Variants in ADAMTS2 observed in about 807,000 individuals in gnomAD.
ADAMTS2 encodes the protein ADAM metallopeptidase with thrombospondin type 1 motif 2.
In ADAMTS2, 50 loss-of-function variants were observed where a neutral mutation model predicts 123.0. The observed-to-expected ratio is 0.41, with a 90% confidence interval of 0.32 to 0.51. The LOEUF (loss-of-function observed/expected upper bound fraction) is 0.51, where lower values mean the gene tolerates loss of function less well. ADAMTS2 is among the 20% of genes least tolerant of loss of function. ADAMTS2 has a pLI of 0.35. For missense variants in ADAMTS2, 1,494 were observed against 1,705.2 expected (o/e 0.88, Z 2.18); for synonymous variants, 678 against 695.4 (o/e 0.98, Z 0.39).
chr5:179,241,196 A>G, intron 3 of ADAMTS2, among the ~76,000 whole-genome samples: 1 of 152,230 alleles, frequency 6.6e-6, no homozygotes, highest in East Asian at 1.9e-4. Flanking sequence ...AGGCCATGCC[A>G]CTGCCTTGTT....
chr5:179,325,238 G>C (rs1009313615), intron 2 of ADAMTS2, among the ~76,000 whole-genome samples: 4 of 152,180 alleles, frequency 2.6e-5, no homozygotes, highest in Non-Finnish European at 5.9e-5. Flanking sequence ...TGATGGTCAG[G>C]AGGGGCCTTG....
chr5:179,173,751 G>A (rs923040098), intron 5 of ADAMTS2, among the ~76,000 whole-genome samples: 3 of 152,060 alleles, frequency 2.0e-5, no homozygotes, highest in East Asian at 1.9e-4. Flanking sequence ...GCGGTGGCTC[G>A]CGCCCCATAA....
intron 3 of ADAMTS2, among the ~76,000 whole-genome samples, chr5:179,208,746 T>C (rs1235021108): frequency 1.3e-5 from 2 of 151,894 alleles, no homozygotes; most frequent in Non-Finnish European, 2.9e-5. Context: ...CAAGCCCCAG[T>C]GTCCTGGAAG....
intron 2 of ADAMTS2, among the ~76,000 whole-genome samples, chr5:179,291,470 G>A (rs966859826): frequency 6.6e-6 from 1 of 152,186 alleles, no homozygotes; most frequent in Non-Finnish European, 1.5e-5. Flanking sequence ...CCCTTCCCGT[G>A]TCCTCTCTTG....
At chr5:179,226,063 G>C (rs542784074) in intron 3 of ADAMTS2, among the ~76,000 whole-genome samples, 1 of 152,142 alleles carries the variant, frequency 6.6e-6, no homozygotes, top group Non-Finnish European at 1.5e-5. Flanking sequence ...CCAGAGGTTT[G>C]AGCAGAGGGA....
intron 2 of ADAMTS2, among the ~76,000 whole-genome samples, chr5:179,273,954 C>G (rs1163695475): frequency 6.6e-6 from 1 of 152,082 alleles, no homozygotes. Flanking sequence ...CCGAGCCACC[C>G]AGCCCCTGAA....
chr5:179,320,540 A>G (rs1328636648), intron 2 of ADAMTS2, among the ~76,000 whole-genome samples: 5 of 149,768 alleles, frequency 3.3e-5, no homozygotes, highest in African/African-American at 1.2e-4. Flanking sequence ...GGATGGTCTC[A>G]ATCTCCTGAC....
chr5:179,221,747 C>G (rs937595856), intron 3 of ADAMTS2, among the ~76,000 whole-genome samples: 1 of 152,136 alleles, frequency 6.6e-6, no homozygotes, highest in Non-Finnish European at 1.5e-5. Flanking sequence ...GCAATGCTCA[C>G]CACGCCCCCC....
chr5:179,251,085 A>G (rs936092956), intron 3 of ADAMTS2, among the ~76,000 whole-genome samples: 1 of 152,220 alleles, frequency 6.6e-6, no homozygotes, highest in Non-Finnish European at 1.5e-5. Flanking sequence ...AGTGTAGCAG[A>G]AAGAGCCCAA....
At chr5:179,221,121 C>T (rs538058234) in intron 3 of ADAMTS2, among the ~76,000 whole-genome samples, 1 of 152,246 alleles carries the variant, frequency 6.6e-6, no homozygotes, top group South Asian at 2.1e-4. Context: ...CCACACTGTG[C>T]CACCAAGCTG....
chr5:179,287,461 G>A (rs915051592), intron 2 of ADAMTS2, among the ~76,000 whole-genome samples: 1 of 152,214 alleles, frequency 6.6e-6, no homozygotes, highest in African/African-American at 2.4e-5. Context: ...CAGAGCCCAC[G>A]ACTGGAGCCA....
At chr5:179,150,708 C>T (rs539444586) in intron 10 of ADAMTS2, among the ~76,000 whole-genome samples, 2 of 152,210 alleles carry the variant, frequency 1.3e-5, no homozygotes, top group South Asian at 4.1e-4. Flanking sequence ...TATGAAATTC[C>T]GGAATAGGCA....
chr5:179,185,197 T>C lies in ADAMTS2; in HGVS notation c.892-4042A>G, dbSNP rs372951974. On this transcript the variant is annotated intron_variant, in intron 4 of 21. Coordinates refer to ENST00000251582, the MANE Select transcript of ADAMTS2 (RefSeq NM_014244.5). This position sits in a 1 kb window ranked among gnomAD's most constrained non-coding sequence, Gnocchi z 5.9. ...CCTCTCTAAGAGCAGTGGGAGGACA[T>C]GGAGGAAGGATGATGGCGGGGCATT... 2.6e-5 allele frequency among the ~76,000 whole-genome samples: 4 copies of C among 152,176 alleles called. No individual in the cohort carries two copies. The East Asian group carries it at 5.8e-4, about 22-fold the overall frequency.
intron 3 of ADAMTS2, among the ~76,000 whole-genome samples, chr5:179,245,787 AAAAAAAAAC>A (rs1561628588): frequency 9.2e-5 from 7 of 76,178 alleles, no homozygotes; most frequent in African/African-American, 3.2e-4. Flanking sequence ...AAAAAAAAAA[AAAAAAAAAC>A]AAAAAAAACA....
At chr5:179,251,962 G>A (rs1463204577) in intron 3 of ADAMTS2, among the ~76,000 whole-genome samples, 1 of 151,596 alleles carries the variant, frequency 6.6e-6, no homozygotes, top group Non-Finnish European at 1.5e-5. Flanking sequence ...ACAATGATCA[G>A]AACTCAGAGG....
chr5:179,324,561 C>T (rs999567078), intron 2 of ADAMTS2, among the ~76,000 whole-genome samples: 4 of 152,100 alleles, frequency 2.6e-5, no homozygotes, highest in Admixed American at 2.6e-4. Flanking sequence ...CGGCTAGTTC[C>T]TTGTATTTTA....
chr5:179,201,208 T>A (rs898675924), intron 4 of ADAMTS2, among the ~76,000 whole-genome samples: 7 of 152,168 alleles, frequency 4.6e-5, no homozygotes, highest in Admixed American at 2.6e-4. Flanking sequence ...AATGGGCATA[T>A]CTGTTGGCCA....
chr5:179,274,815 G>A lies in ADAMTS2; in HGVS notation c.535-1751C>T, dbSNP rs458688. 8.2e-3 allele frequency among the ~76,000 whole-genome samples: 1,253 copies of A among 152,380 alleles called. 12 individuals carry two copies. The highest frequency in any genetic ancestry group is 0.037 in the Middle Eastern group (11 of 294). ...CCTCGGGAAGCTGATGTGCCAGGCAGGGGCTGGTGGAGGTGCAGGGCCTGG... is the reference window on the plus strand; with the variant it reads ...CCTCGGGAAGCTGATGTGCCAGGCAAGGGCTGGTGGAGGTGCAGGGCCTGG... On this transcript the variant is annotated intron_variant, in intron 2 of 21. Transcript: ENST00000251582.
intron 3 of ADAMTS2, among the ~76,000 whole-genome samples, chr5:179,254,210 C>T (rs59203082): frequency 0.15 from 22,293 of 152,228 alleles, 5,142 homozygotes; most frequent in African/African-American, 0.49. Context: ...ATATTCATGT[C>T]GCTGGGCATA....
Sources: gnomAD v4.1 joint callset for allele counts (sites outside exome capture counted in the v4.1 genomes callset) on GRCh38, gnomAD v4.1.1 for gene constraint, Gnocchi (gnomAD v3.1) non-coding constraint, MANE v1.5 for transcripts, NCBI Gene and HGNC (gene_info 2026-07-23, HGNC 2026-07-21) for gene names.